ERC1: variants seen among roughly 807,000 people sequenced by gnomAD.
ERC1 encodes RAB6 interacting protein 2.
Under a neutral mutation model 132.0 loss-of-function variants are expected in ERC1, and 56 were observed. The ratio of observed to expected loss-of-function variants is 0.42; its 90% CI spans 0.34 to 0.53. The LOEUF (loss-of-function observed/expected upper bound fraction) is 0.53. Among genes scored for constraint, ERC1 ranks in the 20% least tolerant of loss-of-function variants. ERC1 has a pLI of 0.03. For missense variants in ERC1, 1,202 were observed against 1,349.9 expected (o/e 0.89, Z 1.72); for synonymous variants, 478 against 476.1 (o/e 1.00, Z -0.05).
intron 13 of ERC1, among the ~76,000 whole-genome samples, chr12:1,246,654 A>G (rs141429299): frequency 9.8e-5 from 15 of 152,348 alleles, no homozygotes; most frequent in African/African-American, 3.6e-4. Context: ...GGACACCTTA[A>G]CAAAGTGTTT....
intron 18 of ERC1, chr12:1,480,772 GAATATCTCGAGT>G: frequency 1.4e-6 from 1 of 700,516 alleles, no homozygotes; most frequent in South Asian, 1.5e-5. Flanking sequence ...AAGAGAGCAA[GAATATCTCGAGT>G]AATACCTTTT....
Position 1,493,064 on chromosome 12 carries a change from A to G in ERC1, c.*2834A>G. The G allele has an allele frequency of 4.5e-6, 1 of 222,926 alleles. No homozygotes were observed. Among genetic ancestry groups the G allele is most frequent in the East Asian group, 6.5e-5 (1 of 15,440 alleles). 13.8% of individuals were successfully genotyped at this position (222,926 alleles called of 1,614,324 possible). A position where few individuals can be genotyped will look rare whatever the true frequency, so the allele number is the denominator to read the frequency against. On this transcript the variant is annotated 3_prime_UTR_variant, in exon 19 of 19. Transcript: ENST00000360905. ...TGTCACCATAAAGAGGGCACGAAGAAGAGTGGGTGTGATCCCAACGGGGTT... is the reference window on the plus strand; with the variant it reads ...TGTCACCATAAAGAGGGCACGAAGAGGAGTGGGTGTGATCCCAACGGGGTT...
At chr12:1,386,672 AAAGTACACATGTCT>A (rs893398035) in intron 16 of ERC1, 1 of 135,862 alleles carries the variant, frequency 7.4e-6, no homozygotes, top group East Asian at 2.0e-4. Context: ...AAAACATTAA[AAAGTACACATGTCT>A]AAGTATACAT....
At chr12:1,484,934 G>A (rs1249681627) in intron 18 of ERC1, among the ~76,000 whole-genome samples, 3 of 149,128 alleles carry the variant, frequency 2.0e-5, no homozygotes, top group African/African-American at 7.4e-5. Flanking sequence ...AGGCTAGAGT[G>A]CAGCAATACA....
At chr12:1,051,429 C>A (rs1971947751) in intron 2 of ERC1, among the ~76,000 whole-genome samples, 1 of 151,304 alleles carries the variant, frequency 6.6e-6, no homozygotes, top group Non-Finnish European at 1.5e-5. Context: ...GTGGCTCATG[C>A]CTGTAATCCC....
chr12:996,658 A>G (rs149640175), intron 1 of ERC1, among the ~76,000 whole-genome samples: 15 of 152,300 alleles, frequency 9.8e-5, no homozygotes, highest in African/African-American at 3.1e-4. Context: ...GGAAAGGCAC[A>G]TGACTTCTTA....
chr12:1,145,968 C>A (rs774697382), intron 8 of ERC1, among the ~76,000 whole-genome samples: 6 of 152,104 alleles, frequency 3.9e-5, no homozygotes, highest in African/African-American at 1.4e-4. Flanking sequence ...TTGGTTTTGG[C>A]GACTATAGCC....
At chr12:1,222,212 T>C (rs1006175501) in intron 12 of ERC1, among the ~76,000 whole-genome samples, 8 of 149,580 alleles carry the variant, frequency 5.3e-5, no homozygotes, top group Admixed American at 3.3e-4. Context: ...CTATTATGAG[T>C]GTACATATTC....
chr12:1,016,358 A>G (rs1210781862), intron 1 of ERC1, among the ~76,000 whole-genome samples: 1 of 152,146 alleles, frequency 6.6e-6, no homozygotes, highest in Non-Finnish European at 1.5e-5. Flanking sequence ...TGTCTTAATG[A>G]TATTTGGTGT....
chr12:1,069,702 C>T (rs1939969782), intron 2 of ERC1, among the ~76,000 whole-genome samples: 2 of 152,086 alleles, frequency 1.3e-5, no homozygotes, highest in South Asian at 4.1e-4. Context: ...GTATAACACT[C>T]CCATTGGGAT....
At chr12:1,270,187 G>A (rs1321281333) in intron 14 of ERC1, among the ~76,000 whole-genome samples, 1 of 152,046 alleles carries the variant, frequency 6.6e-6, no homozygotes, top group Non-Finnish European at 1.5e-5. Flanking sequence ...GAAACATACC[G>A]ATAGAATTGA....
At chr12:1,151,011 T>C (rs769577727) in intron 8 of ERC1, among the ~76,000 whole-genome samples, 125 of 152,224 alleles carry the variant, frequency 8.2e-4, no homozygotes, top group Non-Finnish European at 1.6e-3. Context: ...ATGTTAACAG[T>C]GTGAAATCTG....
intron 12 of ERC1, among the ~76,000 whole-genome samples, chr12:1,211,635 C>T (rs1021366529): frequency 6.6e-6 from 1 of 152,156 alleles, no homozygotes; most frequent in South Asian, 2.1e-4. Context: ...TCTTGGCTCA[C>T]TGCAACCTCT....
chr12:1,070,461 T>A (rs571440383), intron 2 of ERC1, among the ~76,000 whole-genome samples: 84 of 152,034 alleles, frequency 5.5e-4, no homozygotes, highest in African/African-American at 1.5e-3. Flanking sequence ...CTAATTTTTT[T>A]AATTTTTTTG....
Position 1,191,597 on chromosome 12 carries a change from T to G in ERC1, c.2351+1545T>G, listed in dbSNP as rs1156645922. ...GACTCATTTTTGTCACCAATATTGA[T>G]TTTGGGAGATGGATGTGAACTGAAG... is the stretch of plus-strand genomic sequence containing the variant. On this transcript the variant is annotated intron_variant, in intron 12 of 18. Coordinates refer to ENST00000360905, the MANE Select transcript of ERC1 (RefSeq NM_178040.4). 2.6e-5 allele frequency among the ~76,000 whole-genome samples: 4 copies of G among 152,192 alleles called. No individual in the cohort carries two copies. In the East Asian group the frequency reaches 7.7e-4, roughly 29 times the overall value.
intron 12 of ERC1, among the ~76,000 whole-genome samples, chr12:1,197,995 G>A (rs1273766463): frequency 1.3e-5 from 2 of 151,278 alleles, no homozygotes; most frequent in Admixed American, 6.6e-5. Flanking sequence ...GCACTATCAC[G>A]GCTCACTGCA....
intron 13 of ERC1, among the ~76,000 whole-genome samples, chr12:1,238,383 A>C (rs1332511493): frequency 2.0e-5 from 3 of 152,116 alleles, no homozygotes; most frequent in African/African-American, 2.4e-5. Context: ...ACACATAAAT[A>C]CTTTTAAGTT....
chr12:1,184,592 G>A (rs1242378506), intron 11 of ERC1, among the ~76,000 whole-genome samples: 2 of 152,272 alleles, frequency 1.3e-5, no homozygotes, highest in East Asian at 3.9e-4. Flanking sequence ...TGGTCTTGAG[G>A]TAATGATAAT....
chr12:1,327,865 C>G (rs1245749551), intron 15 of ERC1, among the ~76,000 whole-genome samples: 2 of 151,786 alleles, frequency 1.3e-5, no homozygotes. Context: ...CAAATATGCT[C>G]CTCAGTATCT....
Sources: allele counts gnomAD v4.1 joint callset (sites outside exome capture counted in the v4.1 genomes callset), GRCh38; gene constraint gnomAD v4.1.1; transcripts MANE v1.5; gene names NCBI Gene and HGNC (gene_info 2026-07-23, HGNC 2026-07-21).